The following INVS variants were observed in gnomAD, a reference collection of about 807,000 sequenced individuals.
INVS encodes the protein inversin.
Under a neutral mutation model 108.8 loss-of-function variants are expected in INVS, and 86 were observed. The ratio of observed to expected loss-of-function variants is 0.79; its 90% CI spans 0.66 to 0.95. The LOEUF (loss-of-function observed/expected upper bound fraction) is 0.95, where lower values mean the gene tolerates loss of function less well. INVS is among the 40% of genes least tolerant of loss of function. The pLI, the probability that INVS is intolerant of heterozygous loss-of-function variation, is 0.00. For missense variants in INVS, 1,169 were observed against 1,297.4 expected, an observed-to-expected ratio of 0.90 and a Z score of 1.52; for synonymous variants, 455 against 473.5, an observed-to-expected ratio of 0.96 and a Z score of 0.51.
At chr9:100,150,325 A>C (rs1828769538) in intron 3 of INVS, among the ~76,000 whole-genome samples, 2 of 152,180 alleles carry the variant, frequency 1.3e-5, no homozygotes, top group African/African-American at 4.8e-5. Flanking sequence ...TTACCAAGTC[A>C]TGAAAATACA....
intron 3 of INVS, chr9:100,175,243 T>C (rs1011049912): frequency 3.2e-6 from 2 of 616,238 alleles, no homozygotes; most frequent in African/African-American, 1.8e-5. Context: ...GTAAAGACTC[T>C]TTGCCAATGT....
At chr9:100,208,341 G>C (rs1376488460) in intron 3 of INVS, among the ~76,000 whole-genome samples, 1 of 152,182 alleles carries the variant, frequency 6.6e-6, no homozygotes, top group Non-Finnish European at 1.5e-5. Context: ...CAGATTACTA[G>C]TTATGGTCAG....
rs1051454934 is a variant in INVS at position 100,297,719 on chromosome 9, G to A, written c.3017-217G>A. On this transcript the variant is annotated intron_variant, in intron 15 of 16. Transcript: ENST00000262457. ...GCTCAAGAGAAAAAAAGATAAGCAAGAGCACCTTTAGAAAGATCTCCTACA... is the reference window on the plus strand; with the variant it reads ...GCTCAAGAGAAAAAAAGATAAGCAAAAGCACCTTTAGAAAGATCTCCTACA... Among the ~76,000 whole-genome samples, 6 of 152,296 alleles carry A rather than the reference G, an allele frequency of 3.9e-5. No individual in the cohort carries two copies. The East Asian group carries it at 9.6e-4, about 24-fold the overall frequency.
At chr9:100,178,397 G>T (rs1159590132) in intron 3 of INVS, among the ~76,000 whole-genome samples, 1 of 152,148 alleles carries the variant, frequency 6.6e-6, no homozygotes, top group Admixed American at 6.6e-5. Context: ...TTGAAAAAAG[G>T]TTAGAGGAAT....
At chr9:100,152,927 A>G (rs1233903588) in intron 3 of INVS, among the ~76,000 whole-genome samples, 1 of 152,006 alleles carries the variant, frequency 6.6e-6, no homozygotes, top group African/African-American at 2.4e-5. Flanking sequence ...GAAATATTAG[A>G]CTGTACTTTG....
intron 1 of INVS, among the ~76,000 whole-genome samples, chr9:100,100,965 A>AT (rs1491241404): frequency 1.4e-4 from 2 of 14,382 alleles, no homozygotes; most frequent in African/African-American, 5.2e-4. Context: ...TTATATATAT[A>AT]ATATATATTA....
At position 100,301,174 on chromosome 9, in the gene INVS, CACACAT is replaced by C. The variant is rs60812163; in HGVS notation, c.*502_*507del. Among the ~76,000 whole-genome samples, 25,198 of 98,388 alleles carry C rather than the reference CACACAT, an allele frequency of 0.26. 2,680 individuals carry two copies. Among genetic ancestry groups the C allele is most frequent in the East Asian group, 0.6 (2,457 of 4,078 alleles). 64.5% of individuals were successfully genotyped at this position (98,388 alleles called of 152,430 possible). A position where few individuals can be genotyped will look rare whatever the true frequency, so the allele number is the denominator to read the frequency against. On this transcript the variant is annotated 3_prime_UTR_variant, in exon 17 of 17. Coordinates refer to ENST00000262457, the MANE Select transcript of INVS (RefSeq NM_014425.5). ...ACACACACACACACACACACACACA[CACACAT>C]ATCACGTCCCACTATTACTTCAAAA... is the stretch of plus-strand genomic sequence containing the variant.
At chr9:100,103,284 C>T (rs774908318) in intron 1 of INVS, among the ~76,000 whole-genome samples, 2 of 152,156 alleles carry the variant, frequency 1.3e-5, no homozygotes, top group South Asian at 2.1e-4. Flanking sequence ...CTCAGCCTCC[C>T]GAGTAGCTAG....
At chr9:100,297,608 C>T (rs903659460) in intron 15 of INVS, among the ~76,000 whole-genome samples, 3 of 152,190 alleles carry the variant, frequency 2.0e-5, no homozygotes, top group African/African-American at 7.2e-5. Flanking sequence ...ATTTGTTCAG[C>T]AGATTAACTG....
chr9:100,168,219 T>G (rs1175759976), intron 3 of INVS, among the ~76,000 whole-genome samples: 1 of 152,100 alleles, frequency 6.6e-6, no homozygotes, highest in Non-Finnish European at 1.5e-5. Context: ...TGGTGATACT[T>G]CAATTGGCTT....
chr9:100,280,761 G>A (rs1330382119), intron 12 of INVS, among the ~76,000 whole-genome samples: 1 of 152,014 alleles, frequency 6.6e-6, no homozygotes. Context: ...GACAATTATT[G>A]AATCTAAGAG....
At chr9:100,271,248 A>G (rs919930024) in intron 11 of INVS, among the ~76,000 whole-genome samples, 5 of 152,224 alleles carry the variant, frequency 3.3e-5, no homozygotes, top group African/African-American at 1.2e-4. Flanking sequence ...GGAACATGCC[A>G]TAATAACTCC....
At chr9:100,239,978 AAG>A in intron 5 of INVS, 80 bp from the exon 6 acceptor site, 1 of 1,323,862 alleles carries the variant, frequency 7.6e-7, no homozygotes, top group Non-Finnish European at 1.1e-6. Flanking sequence ...CTAAAAAAGA[AAG>A]AAAGAAAAAA....
Position 100,301,043 on chromosome 9 carries a change from T to C in INVS, c.*369T>C, listed in dbSNP as rs775494804. The C allele has an allele frequency of 5.2e-5, 16 of 304,912 alleles. No homozygotes were observed. Among genetic ancestry groups the C allele is most frequent in the Non-Finnish European group, 1.0e-4 (16 of 157,798 alleles). The allele number at this position is 304,912 out of a possible 1,614,324, so 18.9% of individuals were successfully genotyped here. A position where few individuals can be genotyped will look rare whatever the true frequency, so the allele number is the denominator to read the frequency against. On this transcript the variant is annotated 3_prime_UTR_variant, in exon 17 of 17. Coordinates refer to ENST00000262457, the MANE Select transcript of INVS (RefSeq NM_014425.5). Reference sequence around the variant, plus strand: ...TTTCTGCCAGCTAGCTGGTACTGGCTTCTTGTTTCAAGAGATGAACCTAAA... The same window carrying C: ...TTTCTGCCAGCTAGCTGGTACTGGCCTCTTGTTTCAAGAGATGAACCTAAA...
At chr9:100,183,857 AT>A (rs1253025252) in intron 3 of INVS, among the ~76,000 whole-genome samples, 2 of 150,632 alleles carry the variant, frequency 1.3e-5, no homozygotes, top group African/African-American at 2.4e-5. Flanking sequence ...ATAAACAATT[AT>A]TTTTTCTTAA....
At chr9:100,137,360 C>T (rs1233308979) in intron 3 of INVS, among the ~76,000 whole-genome samples, 3 of 152,154 alleles carry the variant, frequency 2.0e-5, no homozygotes, top group Admixed American at 6.5e-5. Context: ...TTCCATTAAA[C>T]TCCTAAACTT....
intron 5 of INVS, among the ~76,000 whole-genome samples, chr9:100,231,075 C>T (rs1356453973): frequency 6.6e-6 from 1 of 152,102 alleles, no homozygotes; most frequent in Non-Finnish European, 1.5e-5. Flanking sequence ...CTAACTAATT[C>T]GCTAAACTCC....
chr9:100,188,635 CTTT>C (rs11309021), intron 3 of INVS, among the ~76,000 whole-genome samples: 3 of 128,258 alleles, frequency 2.3e-5, no homozygotes, highest in Non-Finnish European at 5.1e-5. Flanking sequence ...TAGTTTCTTT[CTTT>C]TTTTTTTTTT....
At chr9:100,138,683 T>C (rs1370023254) in intron 3 of INVS, among the ~76,000 whole-genome samples, 1 of 151,002 alleles carries the variant, frequency 6.6e-6, no homozygotes, top group Non-Finnish European at 1.5e-5. Context: ...TTTTAAATTA[T>C]TTTTATTGAT....
Sources: gnomAD v4.1 joint callset for allele counts (sites outside exome capture counted in the v4.1 genomes callset) on GRCh38, gnomAD v4.1.1 for gene constraint, MANE v1.5 for transcripts, NCBI Gene and HGNC (gene_info 2026-07-23, HGNC 2026-07-21) for gene names.